MYO16: variants seen among roughly 807,000 people sequenced by gnomAD.
MYO16 encodes the protein unconventional myosin-XVI.
In MYO16, 94 loss-of-function variants were observed where a neutral mutation model predicts 205.3. The observed-to-expected ratio is 0.46, with a 90% CI of 0.39 to 0.54. The LOEUF is 0.54. Among genes scored for constraint, MYO16 ranks in the 20% least tolerant of loss-of-function variants. The pLI, the probability that MYO16 is intolerant of heterozygous loss-of-function variation, is 0.00. For synonymous variants in MYO16, 988 were observed against 954.0 expected (o/e 1.04, Z -0.66); for missense variants, 2,315 against 2,387.5 (o/e 0.97, Z 0.63).
intron 34 of MYO16, among the ~76,000 whole-genome samples, chr13:109,194,815 T>G (rs138541082): frequency 1.3e-5 from 2 of 152,142 alleles, no homozygotes; most frequent in African/African-American, 2.4e-5. Context: ...GCAAATTATA[T>G]AGACAGATTT....
the MYO16 span, among the ~76,000 whole-genome samples, chr13:108,544,387 T>A: frequency 0.15 from 23,125 of 152,104 alleles, 2,883 homozygotes; most frequent in African/African-American, 0.34. Context: ...CTTTTTAAAT[T>A]TTTAATTTTC....
chr13:108,544,948 T>C, the MYO16 span, among the ~76,000 whole-genome samples: 13 of 152,210 alleles, frequency 8.5e-5, no homozygotes, highest in African/African-American at 3.1e-4. Context: ...TCGTTTTTAA[T>C]GGCTGAATAG....
At chr13:108,688,273 A>G (rs952543787) in intron 2 of MYO16, among the ~76,000 whole-genome samples, 4 of 152,214 alleles carry the variant, frequency 2.6e-5, no homozygotes, top group Non-Finnish European at 1.5e-5. Flanking sequence ...AGATTTACAC[A>G]TAGAAAACAG....
chr13:108,846,075 A>G (rs1488470331), intron 10 of MYO16, among the ~76,000 whole-genome samples: 1 of 152,152 alleles, frequency 6.6e-6, no homozygotes, highest in Admixed American at 6.6e-5. Context: ...TCTGAGCCAT[A>G]TAATTTGTGT....
intron 9 of MYO16, among the ~76,000 whole-genome samples, chr13:108,824,950 A>G (rs1181991129): frequency 6.6e-6 from 1 of 152,090 alleles, no homozygotes; most frequent in Non-Finnish European, 1.5e-5. Context: ...TAATATCCAC[A>G]TGGCTTCGAG....
At chr13:109,090,401 G>A (rs1888582419) in intron 27 of MYO16, among the ~76,000 whole-genome samples, 1 of 152,214 alleles carries the variant, frequency 6.6e-6, no homozygotes, top group African/African-American at 2.4e-5. Flanking sequence ...GAGAAGACTG[G>A]TGAGCTCTAT....
intron 9 of MYO16, among the ~76,000 whole-genome samples, chr13:108,831,025 G>A (rs182821507): frequency 6.6e-6 from 1 of 152,022 alleles, no homozygotes; most frequent in Admixed American, 6.6e-5. Context: ...CATGAACAGT[G>A]CCTTCACAGT....
At chr13:108,946,287 C>CA (rs112545209) in intron 16 of MYO16, among the ~76,000 whole-genome samples, 203 of 142,850 alleles carry the variant, frequency 1.4e-3, no homozygotes, top group Middle Eastern at 6.9e-3. Context: ...TTGATTTTGG[C>CA]AAAAAAAAAA....
chr13:108,954,753 A>G (rs1466185721), intron 16 of MYO16, among the ~76,000 whole-genome samples: 2 of 152,144 alleles, frequency 1.3e-5, no homozygotes, highest in African/African-American at 2.4e-5. Flanking sequence ...TAGTAATAAT[A>G]ATAATAAACA....
At chr13:108,957,113 C>T (rs1479837334) in intron 16 of MYO16, among the ~76,000 whole-genome samples, 2 of 152,078 alleles carry the variant, frequency 1.3e-5, no homozygotes, top group Non-Finnish European at 2.9e-5. Flanking sequence ...CGGCCAGGTG[C>T]GGTGGCTCAC....
intron 5 of MYO16, among the ~76,000 whole-genome samples, chr13:108,791,132 C>G (rs1886603347): frequency 6.6e-6 from 1 of 152,146 alleles, no homozygotes; most frequent in African/African-American, 2.4e-5. Flanking sequence ...ACAGTTTTAG[C>G]TGGTTCATAA....
rs1414257475 is a variant in MYO16 at position 109,009,036 on chromosome 13, A to G, written c.2582A>G (p.Asp861Gly). The part of the protein sequence containing the change: ...YSPGNQNGVL[D>G]FFFQKPSGFL... ...CCTGGTAACCAGAATGGAGTTTTGGACTTTTTTTTCCAGGTATTCATATAA... is the reference window on the plus strand; with the variant it reads ...CCTGGTAACCAGAATGGAGTTTTGGGCTTTTTTTTCCAGGTATTCATATAA... The change falls in exon 22 of 35, where the codon GAC (aspartate) becomes GGC (glycine). Residue 861 changes from aspartate (D) to glycine (G), a missense_variant. Asp to Gly is a moderately conservative substitution (Grantham distance 94, BLOSUM62 -1). Coordinates refer to ENST00000457511, the MANE Select transcript of MYO16 (RefSeq NM_001198950.3). 1.3e-6 allele frequency: 2 copies of G among 1,590,728 alleles called. No individual in the cohort carries two copies. The highest frequency in any genetic ancestry group is 1.7e-6 in the Non-Finnish European group (2 of 1,172,524).
chr13:108,978,521 T>G (rs1884350058), intron 20 of MYO16, among the ~76,000 whole-genome samples: 2 of 152,068 alleles, frequency 1.3e-5, no homozygotes, highest in African/African-American at 4.8e-5. Context: ...TTGTGAGACA[T>G]TGCATTGATG....
chr13:108,800,009 C>T (rs1886920092), intron 6 of MYO16, among the ~76,000 whole-genome samples: 1 of 152,030 alleles, frequency 6.6e-6, no homozygotes. Context: ...TGTTTTGGAT[C>T]CCACCCGCCC....
At chr13:108,610,689 G>C (rs965163131) in intron 1 of MYO16, among the ~76,000 whole-genome samples, 4 of 152,252 alleles carry the variant, frequency 2.6e-5, no homozygotes, top group Admixed American at 2.0e-4. Context: ...TTTATTCTTG[G>C]CTGCAGTATT....
At position 108,963,726 on chromosome 13, in the gene MYO16, GTTC is replaced by G. The variant is rs563960826; in HGVS notation, c.2228-1028_2228-1026del. On this transcript the variant is annotated intron_variant, in intron 19 of 34. Coordinates refer to ENST00000457511, the MANE Select transcript of MYO16 (RefSeq NM_001198950.3). ...CCACACTAAGCATCTTGAAGACATT[GTTC>G]TTCTTCGCACCTTCTTTTGAGAAAC... Among the ~76,000 whole-genome samples the G allele has an allele frequency of 6.0e-3, 921 of 152,316 alleles. 11 individuals are homozygous for G. Among genetic ancestry groups the G allele is most frequent in the African/African-American group, 0.021 (880 of 41,572 alleles).
the MYO16 span, among the ~76,000 whole-genome samples, chr13:108,542,139 T>C: frequency 6.6e-6 from 1 of 152,056 alleles, no homozygotes; most frequent in Non-Finnish European, 1.5e-5. Flanking sequence ...TATATAGCCA[T>C]AAGAAAGAAT....
At chr13:108,519,043 G>C in the MYO16 span, among the ~76,000 whole-genome samples, 1 of 152,202 alleles carries the variant, frequency 6.6e-6, no homozygotes, top group Admixed American at 6.5e-5. Context: ...TCTTGGAATA[G>C]ATGCTGCTTT....
At position 108,855,498 on chromosome 13, in the gene MYO16, A is replaced by T; in HGVS notation, c.1304A>T (p.Asn435Ile). The T allele has an allele frequency of 6.3e-7, 1 of 1,598,956 alleles. No individual in the cohort carries two copies. The highest frequency in any genetic ancestry group is 1.3e-5 in the African/African-American group (1 of 74,904). ...GACCTGGCAACGCTCAGCGAGCTCAATGATGGCAGCCTGCTCTATGAGATT... is the reference window on the plus strand; with the variant it reads ...GACCTGGCAACGCTCAGCGAGCTCATTGATGGCAGCCTGCTCTATGAGATT... ...NDDLATLSELNDGSLLYEIQK... is the reference protein window; with the variant it reads ...NDDLATLSELIDGSLLYEIQK... The change falls in exon 11 of 35, where the codon AAT (asparagine) becomes ATT (isoleucine). Residue 435 changes from asparagine (N) to isoleucine (I), a missense_variant. By Grantham distance (149) the Asn-to-Ile change is moderately radical. This residue lies in a region of MYO16 where 1,213 missense variants were observed against 1,274.4 expected (regional missense o/e 0.95). Coordinates refer to ENST00000457511, the MANE Select transcript of MYO16 (RefSeq NM_001198950.3).
Sources: allele counts gnomAD v4.1 joint callset (sites outside exome capture counted in the v4.1 genomes callset), GRCh38; gene constraint gnomAD v4.1.1; regional missense constraint gnomAD v4.1.1; transcripts MANE v1.5; gene names NCBI Gene and HGNC (gene_info 2026-07-23, HGNC 2026-07-21).